The following NKAIN2 variants were observed in gnomAD, a reference collection of about 807,000 sequenced individuals.
NKAIN2 encodes sodium/potassium transporting ATPase interacting 2, also known as sodium/potassium-transporting ATPase subunit beta-1-interacting protein 2.
NKAIN2 carries 14 observed loss-of-function variants against 32.6 expected under a neutral mutation model. The observed-to-expected ratio is 0.43, with a 90% CI of 0.28 to 0.67. The LOEUF (loss-of-function observed/expected upper bound fraction) is 0.67. Ranked by LOEUF, NKAIN2 falls within the 30% of genes least tolerant of loss-of-function variation. The pLI is 0.17. For synonymous variants in NKAIN2, 80 were observed against 87.2 expected (o/e 0.92, Z 0.46); for missense variants, 198 against 258.3 (o/e 0.77, Z 1.60).
intron 4 of NKAIN2, among the ~76,000 whole-genome samples, chr6:124,721,403 CAAA>C (rs11330814): frequency 2.9e-5 from 3 of 101,760 alleles, no homozygotes; most frequent in Non-Finnish European, 4.2e-5. Context: ...GACTCCGTCT[CAAA>C]AAAAAAAAAA....
At chr6:124,251,495 C>A (rs967800057) in intron 1 of NKAIN2, among the ~76,000 whole-genome samples, 1 of 151,780 alleles carries the variant, frequency 6.6e-6, no homozygotes, top group Non-Finnish European at 1.5e-5. Flanking sequence ...ACTTATATAA[C>A]TTAAGGAAAA....
At chr6:124,293,926 C>G (rs915786576) in intron 2 of NKAIN2, among the ~76,000 whole-genome samples, 30 of 152,162 alleles carry the variant, frequency 2.0e-4, no homozygotes, top group African/African-American at 7.0e-4. Flanking sequence ...ATTTTTATGG[C>G]AATGAGTGTA....
chr6:124,042,390 C>T (rs1048786015), intron 1 of NKAIN2, among the ~76,000 whole-genome samples: 2 of 152,104 alleles, frequency 1.3e-5, no homozygotes, highest in African/African-American at 2.4e-5. Flanking sequence ...CACATGGCAA[C>T]ATAACCATAT....
intron 1 of NKAIN2, among the ~76,000 whole-genome samples, chr6:124,188,181 C>T (rs934121016): frequency 3.3e-5 from 5 of 152,130 alleles, no homozygotes; most frequent in Non-Finnish European, 4.4e-5. Context: ...GAATTTGGTC[C>T]AATAGCATCA....
At chr6:124,464,962 A>G (rs1409183674) in intron 3 of NKAIN2, among the ~76,000 whole-genome samples, 1 of 151,964 alleles carries the variant, frequency 6.6e-6, no homozygotes, top group South Asian at 2.1e-4. Context: ...TTTGGACAGT[A>G]TGGCCATTTT....
chr6:124,104,785 G>A (rs951862446), intron 1 of NKAIN2, among the ~76,000 whole-genome samples: 1 of 152,154 alleles, frequency 6.6e-6, no homozygotes, highest in African/African-American at 2.4e-5. Context: ...TTACTGCACA[G>A]CATTAATCTA....
At chr6:124,332,246 C>CAGAG (rs756473810) in intron 2 of NKAIN2, among the ~76,000 whole-genome samples, 1 of 150,774 alleles carries the variant, frequency 6.6e-6, no homozygotes, top group Non-Finnish European at 1.5e-5. Flanking sequence ...CACACACACA[C>CAGAG]AGAGAGAGAG....
chr6:124,545,444 T>G (rs1383832520), intron 3 of NKAIN2, among the ~76,000 whole-genome samples: 1 of 152,138 alleles, frequency 6.6e-6, no homozygotes, highest in Non-Finnish European at 1.5e-5. Flanking sequence ...AACATTTTGG[T>G]AACATAGCTA....
intron 3 of NKAIN2, among the ~76,000 whole-genome samples, chr6:124,455,947 T>C (rs1253587007): frequency 2.0e-5 from 3 of 151,892 alleles, no homozygotes; most frequent in African/African-American, 7.2e-5. Flanking sequence ...AAGTGTGTAG[T>C]GACTTCCCAC....
intron 3 of NKAIN2, among the ~76,000 whole-genome samples, chr6:124,625,661 G>C (rs900813196): frequency 6.6e-6 from 1 of 151,852 alleles, no homozygotes; most frequent in African/African-American, 2.4e-5. Context: ...AAGGAGGAGA[G>C]AAGTTATTTT....
At chr6:124,328,574 C>G (rs564104402) in intron 2 of NKAIN2, among the ~76,000 whole-genome samples, 7 of 152,218 alleles carry the variant, frequency 4.6e-5, no homozygotes, top group Admixed American at 3.3e-4. Context: ...CTCTCAAGAA[C>G]AAAATCAGGA....
intron 1 of NKAIN2, among the ~76,000 whole-genome samples, chr6:124,042,853 A>G (rs1030533308): frequency 2.6e-5 from 4 of 152,112 alleles, no homozygotes; most frequent in Non-Finnish European, 5.9e-5. Context: ...ATTTACGTTC[A>G]TGTAAATTAG....
intron 1 of NKAIN2, among the ~76,000 whole-genome samples, chr6:124,030,374 T>C (rs1355540586): frequency 6.6e-6 from 1 of 152,154 alleles, no homozygotes. Flanking sequence ...CTTTAAGATG[T>C]TCCATTGCCT....
intron 4 of NKAIN2, among the ~76,000 whole-genome samples, chr6:124,787,747 A>G (rs1779569206): frequency 6.6e-6 from 1 of 152,124 alleles, no homozygotes; most frequent in Non-Finnish European, 1.5e-5. Context: ...GAAAAATGGC[A>G]TAGTTCCATT....
At chr6:123,837,763 G>T (rs1325614125) in intron 1 of NKAIN2, among the ~76,000 whole-genome samples, 1 of 151,890 alleles carries the variant, frequency 6.6e-6, no homozygotes, top group African/African-American at 2.4e-5. Context: ...TTAGTGTTGG[G>T]CTATTTCTTA....
Position 124,081,802 on chromosome 6 carries a change from T to G in NKAIN2, c.55-201203T>G, listed in dbSNP as rs187562992. ...TTAGGCAATCCAGTTAAAACATGTC[T>G]TATTACAAGATGGAGAAAAAGAGGC... On this transcript the variant is annotated intron_variant, in intron 1 of 6. Transcript: ENST00000368417. Among the ~76,000 whole-genome samples, 4 of 152,100 alleles carry G rather than the reference T, an allele frequency of 2.6e-5. No individual in the cohort carries two copies. The East Asian group carries it at 7.7e-4, about 29-fold the overall frequency.
chr6:123,966,834 G>A (rs1350922151), intron 1 of NKAIN2, among the ~76,000 whole-genome samples: 2 of 152,172 alleles, frequency 1.3e-5, no homozygotes, highest in African/African-American at 4.8e-5. Flanking sequence ...GATGCCAAGT[G>A]CTGGGTGTTA....
chr6:124,669,191 G>A (rs1376436892), intron 4 of NKAIN2, among the ~76,000 whole-genome samples: 1 of 152,062 alleles, frequency 6.6e-6, no homozygotes, highest in African/African-American at 2.4e-5. Context: ...CTGGATTTAG[G>A]ATAACCAATG....
intron 1 of NKAIN2, among the ~76,000 whole-genome samples, chr6:124,168,442 C>T (rs956097983): frequency 6.6e-6 from 1 of 151,942 alleles, no homozygotes; most frequent in South Asian, 2.1e-4. Context: ...ACATTCTTGT[C>T]TATACATGGA....
Sources: gnomAD v4.1 joint callset for allele counts (sites outside exome capture counted in the v4.1 genomes callset) on GRCh38, gnomAD v4.1.1 for gene constraint, MANE v1.5 for transcripts, NCBI Gene and HGNC (gene_info 2026-07-23, HGNC 2026-07-21) for gene names.